GFPT2: variants seen among roughly 807,000 people sequenced by gnomAD.
GFPT2 encodes glutamine--fructose-6-phosphate transaminase 2.
Under a neutral mutation model 85.6 loss-of-function variants are expected in GFPT2, and 62 were observed. That is an observed-to-expected ratio of 0.72 (90% CI 0.59 to 0.90). The LOEUF (loss-of-function observed/expected upper bound fraction) is 0.90, where lower values mean the gene tolerates loss of function less well. GFPT2 is among the 40% of genes least tolerant of loss of function. The pLI, the probability that GFPT2 is intolerant of heterozygous loss-of-function variation, is 0.00. For missense variants in GFPT2, 788 were observed against 893.4 expected (o/e 0.88, Z 1.50); for synonymous variants, 368 against 344.5 (o/e 1.07, Z -0.75).
intron 9 of GFPT2, among the ~76,000 whole-genome samples, chr5:180,322,762 C>T (rs1018489253): frequency 3.3e-5 from 5 of 152,018 alleles, no homozygotes; most frequent in Admixed American, 1.3e-4. Context: ...TCTGGATGGG[C>T]GCGGTGGCTC....
In GFPT2 at chr5:180,316,986, C is replaced by T. The variant is rs772939593; in HGVS notation, c.1031G>A (p.Arg344Gln). 1.9e-6 allele frequency: 3 copies of T among 1,609,850 alleles called. No homozygotes were observed. The highest frequency in any genetic ancestry group is 1.7e-5 in the Admixed American group (1 of 60,012). The stretch of plus-strand genomic sequence containing the variant: ...ACCTGTGTTGGTTTCAAAATTCACC[C>T]GACCTCTCATAGTATTGAAAACTGA... ...PESVFNTMRG[R>Q]VNFETNTVLL... is the part of the protein sequence containing the mutation. The change falls in exon 11 of 19, where the codon CGG (arginine) becomes CAG (glutamine). Residue 344 changes from arginine (R) to glutamine (Q), a missense_variant. Physicochemically the swap from Arg to Gln is conservative, Grantham distance 43 (BLOSUM62 1). Transcript: ENST00000253778.
At position 180,352,932 on chromosome 5, in the gene GFPT2, C is replaced by T. The variant is rs995849211; in HGVS notation, c.7+279G>A. The T allele has an allele frequency of 1.0e-4, 45 of 432,314 alleles. 1 individual carries two copies. In the Admixed American group the frequency reaches 1.7e-3, roughly 17 times the overall value. 26.8% of individuals were successfully genotyped at this position (432,314 alleles called of 1,614,324 possible). A position where few individuals can be genotyped will look rare whatever the true frequency, so the allele number is the denominator to read the frequency against. On this transcript the variant is annotated intron_variant, in intron 1 of 18. Transcript: ENST00000253778. ...CCAGGCCGGACCGGACCAGGTCCCT[C>T]CCCTCCGTGGGGACCGGGCCTCGGT...
chr5:180,315,988 T>C (rs59000272), intron 13 of GFPT2, among the ~76,000 whole-genome samples: 3,637 of 152,332 alleles, frequency 0.024, 116 homozygotes, highest in East Asian at 0.14. Context: ...TTAAAGGAGA[T>C]GCTTTTTCTA....
At chr5:180,317,128 T>C in intron 10 of GFPT2, 70 bp from the exon 11 acceptor site, 4 of 993,850 alleles carry the variant, frequency 4.0e-6, no homozygotes, top group Non-Finnish European at 6.5e-6. Flanking sequence ...GCAGCAGCGA[T>C]AGTAACTCCT....
At chr5:180,306,734 C>T (rs1763784480) in intron 16 of GFPT2, among the ~76,000 whole-genome samples, 1 of 152,182 alleles carries the variant, frequency 6.6e-6, no homozygotes, top group Non-Finnish European at 1.5e-5. Flanking sequence ...AGCGAAGGCC[C>T]CATGGACTCA....
intron 1 of GFPT2, among the ~76,000 whole-genome samples, chr5:180,350,628 A>C (rs1394634321): frequency 6.6e-6 from 1 of 152,264 alleles, no homozygotes; most frequent in Non-Finnish European, 1.5e-5. Context: ...AAAAGGAAGC[A>C]GAGAAGGAAA....
Position 180,330,813 on chromosome 5 carries a change from C to CA in GFPT2, c.420dup (p.Glu141Ter), listed in dbSNP as rs763761268. ...ATGGTCTCTGTATCTGTTTCTGACT[C>CA]AAACTCGTAGCCTTTGCTTTCCTGG... On this transcript the variant is annotated frameshift_variant, in exon 6 of 19. Coordinates refer to ENST00000253778, the MANE Select transcript of GFPT2 (RefSeq NM_005110.4). LOFTEE classifies it high-confidence loss of function. This position sits in a 1 kb window ranked among gnomAD's most constrained non-coding sequence, Gnocchi z 4.4. 5.5e-5 allele frequency: 88 copies of CA among 1,613,872 alleles called. No homozygotes were observed. Among genetic ancestry groups the CA allele is most frequent in the Non-Finnish European group, 7.4e-5 (87 of 1,179,856 alleles).
chr5:180,307,447 T>A, intron 15 of GFPT2, 144 bp from the exon 16 acceptor site: 1 of 762,732 alleles, frequency 1.3e-6, no homozygotes, highest in Non-Finnish European at 2.1e-6. Context: ...GTTTCAAACG[T>A]AGATTACAGG....
intron 4 of GFPT2, among the ~76,000 whole-genome samples, chr5:180,333,513 C>T (rs1396656867): frequency 1.3e-5 from 2 of 152,206 alleles, no homozygotes; most frequent in African/African-American, 2.4e-5. Context: ...GGATTACAGG[C>T]GTGAGCCACC....
chr5:180,345,681 G>C (rs1764593611), intron 1 of GFPT2, among the ~76,000 whole-genome samples: 2 of 152,208 alleles, frequency 1.3e-5, no homozygotes, highest in Admixed American at 1.3e-4. Flanking sequence ...CCATTGCTGA[G>C]TCCCCAGCAC....
chr5:180,325,727 G>T (rs1264385078), intron 7 of GFPT2, among the ~76,000 whole-genome samples: 1 of 152,240 alleles, frequency 6.6e-6, no homozygotes, highest in Non-Finnish European at 1.5e-5. Flanking sequence ...TGGACGTGAT[G>T]AAGATCTCAT....
chr5:180,330,987 C>G lies in GFPT2; in HGVS notation c.400-153G>C, dbSNP rs1376353544. The stretch of plus-strand genomic sequence containing the variant: ...GGGGGAAAAATGTTTGCCAGCATCA[C>G]AGCCAAATACCTCTGAGTCACTCCC... On this transcript the variant is annotated intron_variant, in intron 5 of 18. Coordinates refer to ENST00000253778, the MANE Select transcript of GFPT2 (RefSeq NM_005110.4). The surrounding 1 kb of genome is among the most constrained non-coding windows in gnomAD (Gnocchi z 4.4). 34 of 655,732 alleles carry G rather than the reference C, an allele frequency of 5.2e-5. No homozygotes were observed. In the East Asian group the frequency reaches 9.4e-4, roughly 18 times the overall value. The allele number at this position is 655,732 out of a possible 1,614,324, so 40.6% of individuals were successfully genotyped here. A position where few individuals can be genotyped will look rare whatever the true frequency, so the allele number is the denominator to read the frequency against.
intron 1 of GFPT2, among the ~76,000 whole-genome samples, chr5:180,341,588 T>C (rs547332498): frequency 4.5e-4 from 69 of 152,342 alleles, no homozygotes; most frequent in African/African-American, 1.3e-3. Context: ...TTTGCACATA[T>C]GTATTAAGGT....
intron 10 of GFPT2, among the ~76,000 whole-genome samples, chr5:180,317,638 A>C (rs1210832609): frequency 7.1e-6 from 1 of 140,016 alleles, no homozygotes; most frequent in African/African-American, 2.8e-5. Context: ...GGGCGCCTGT[A>C]GTCCCAGCTA....
At chr5:180,332,464 T>C (rs890296589) in intron 4 of GFPT2, among the ~76,000 whole-genome samples, 2 of 152,208 alleles carry the variant, frequency 1.3e-5, no homozygotes, top group African/African-American at 4.8e-5. Flanking sequence ...AGGAGGTGTC[T>C]AGATGTGGGA....
chr5:180,316,945 A>G lies in GFPT2; in HGVS notation c.1054+18T>C. 2.6e-6 allele frequency: 4 copies of G among 1,565,858 alleles called. No individual in the cohort carries two copies. Among genetic ancestry groups the G allele is most frequent in the Non-Finnish European group, 3.5e-6 (4 of 1,135,994 alleles). On this transcript the variant is annotated intron_variant, in intron 11 of 18. Coordinates refer to ENST00000253778, the MANE Select transcript of GFPT2 (RefSeq NM_005110.4). ...GACTAGGCTCGGGCGGAGGCTCCCC[A>G]CCGAGTGTAGGAATTACCTGTGTTG...
chr5:180,344,035 T>C (rs1430156806), intron 1 of GFPT2, among the ~76,000 whole-genome samples: 1 of 152,172 alleles, frequency 6.6e-6, no homozygotes, highest in Non-Finnish European at 1.5e-5. Context: ...CTAGTGACAG[T>C]CTGATGTCTG....
At chr5:180,321,753 ATATGGAGGGTTTTGTT>A (rs1764124312) in intron 9 of GFPT2, among the ~76,000 whole-genome samples, 1 of 144,750 alleles carries the variant, frequency 6.9e-6, no homozygotes, top group Non-Finnish European at 1.5e-5. Context: ...AAATAAAATA[ATATGGAGGGTTTTGTT>A]TTGTTTTGTT....
chr5:180,324,759 T>C (rs879756154), intron 8 of GFPT2, 57 bp downstream of exon 8: 17 of 1,135,102 alleles, frequency 1.5e-5, no homozygotes, highest in Non-Finnish European at 2.2e-5. Flanking sequence ...CCAGAGCAGC[T>C]GCCGAGTCCT....
Sources: allele counts gnomAD v4.1 joint callset (sites outside exome capture counted in the v4.1 genomes callset), GRCh38; gene constraint gnomAD v4.1.1; non-coding constraint Gnocchi (gnomAD v3.1); transcripts MANE v1.5; gene names NCBI Gene and HGNC (gene_info 2026-07-23, HGNC 2026-07-21).